PRKN: variants seen among roughly 807,000 people sequenced by gnomAD.
The protein encoded by PRKN is E3 ubiquitin-protein ligase parkin.
In PRKN, 56 loss-of-function variants were observed where a neutral mutation model predicts 59.5. That is an observed-to-expected ratio of 0.94 (90% CI 0.76 to 1.18). PRKN has a LOEUF of 1.18. PRKN is among the 50% of genes most tolerant of loss of function. The probability of loss-of-function intolerance (pLI) is 0.00; values close to 1 mark genes in which losing one functional copy is unlikely to be tolerated. For synonymous variants in PRKN, 250 were observed against 222.1 expected, an observed-to-expected ratio of 1.13 and a Z score of -1.12; for missense variants, 657 against 596.4, an observed-to-expected ratio of 1.10 and a Z score of -1.06.
At chr6:161,912,450 C>T (rs1778399692) in intron 6 of PRKN, among the ~76,000 whole-genome samples, 1 of 151,258 alleles carries the variant, frequency 6.6e-6, no homozygotes, top group Admixed American at 6.6e-5. Flanking sequence ...GGGCCTGTGA[C>T]TGGCCTTCAC....
chr6:161,436,041 A>G (rs1452383420), intron 9 of PRKN, among the ~76,000 whole-genome samples: 37 of 12,562 alleles, frequency 2.9e-3, no homozygotes, highest in South Asian at 6.2e-3. Context: ...GGATGGGAGG[A>G]CAGAGAGGAG....
At chr6:161,683,777 T>C (rs1000805119) in intron 7 of PRKN, among the ~76,000 whole-genome samples, 9 of 152,086 alleles carry the variant, frequency 5.9e-5, no homozygotes, top group African/African-American at 2.2e-4. Context: ...TGGGGTGTGG[T>C]GAGACGGGCA....
At chr6:162,464,659 CA>C (rs1164797005) in intron 1 of PRKN, among the ~76,000 whole-genome samples, 3,410 of 79,902 alleles carry the variant, frequency 0.043, 124 homozygotes, top group African/African-American at 0.13. Context: ...ACTAAAAATA[CA>C]AAAAAAAAAA....
intron 7 of PRKN, among the ~76,000 whole-genome samples, chr6:161,648,857 A>G (rs961021399): frequency 1.3e-5 from 2 of 152,200 alleles, no homozygotes; most frequent in Non-Finnish European, 2.9e-5. Flanking sequence ...TGAACTTGGA[A>G]AATCCTCCAG....
At chr6:162,019,351 C>T (rs1783045687) in intron 5 of PRKN, among the ~76,000 whole-genome samples, 1 of 152,144 alleles carries the variant, frequency 6.6e-6, no homozygotes, top group Admixed American at 6.5e-5. Context: ...CCATGTAAGA[C>T]ATGGGCTAAG....
intron 2 of PRKN, among the ~76,000 whole-genome samples, chr6:162,301,844 A>G (rs1319078236): frequency 1.4e-5 from 2 of 147,644 alleles, no homozygotes; most frequent in African/African-American, 2.5e-5. Context: ...TGCTTCGATT[A>G]TATCTCCAAT....
chr6:162,379,764 G>A (rs1786326850), intron 2 of PRKN, among the ~76,000 whole-genome samples: 1 of 152,186 alleles, frequency 6.6e-6, no homozygotes. Context: ...GGTATGAGCA[G>A]ACAATAGATT....
intron 1 of PRKN, among the ~76,000 whole-genome samples, chr6:162,647,949 C>CAA (rs398003250): frequency 0.071 from 5,399 of 75,648 alleles, 1,326 homozygotes; most frequent in East Asian, 0.22. Flanking sequence ...GTCCACAGTG[C>CAA]AAAAAAAAAA....
At chr6:162,563,248 G>T (rs1277640407) in intron 1 of PRKN, among the ~76,000 whole-genome samples, 1 of 151,822 alleles carries the variant, frequency 6.6e-6, no homozygotes, top group African/African-American at 2.4e-5. Flanking sequence ...AGCTTGCAGT[G>T]AGCTGAGATC....
intron 4 of PRKN, among the ~76,000 whole-genome samples, chr6:162,122,245 C>G (rs1388361545): frequency 2.0e-5 from 3 of 152,140 alleles, no homozygotes; most frequent in Non-Finnish European, 4.4e-5. Context: ...CAGCATACAA[C>G]CTCCTCTCGC....
intron 1 of PRKN, among the ~76,000 whole-genome samples, chr6:162,674,008 G>C (rs1293279230): frequency 2.0e-5 from 3 of 152,164 alleles, no homozygotes; most frequent in Non-Finnish European, 4.4e-5. Flanking sequence ...TCTTATGAGA[G>C]CATCACCATA....
chr6:162,459,796 C>T (rs923100427), intron 1 of PRKN, among the ~76,000 whole-genome samples: 22 of 152,290 alleles, frequency 1.4e-4, no homozygotes, highest in African/African-American at 2.6e-4. Flanking sequence ...AAAAATGATT[C>T]GGAACTTTCT....
chr6:161,687,942 T>C (rs1236535938), intron 7 of PRKN, among the ~76,000 whole-genome samples: 3 of 152,194 alleles, frequency 2.0e-5, no homozygotes, highest in Non-Finnish European at 4.4e-5. Flanking sequence ...ATACTTTCCT[T>C]AGGTTCCCTG....
chr6:162,675,040 ATTTATTT>A (rs1779483202), intron 1 of PRKN, among the ~76,000 whole-genome samples: 1 of 150,950 alleles, frequency 6.6e-6, no homozygotes, highest in Non-Finnish European at 1.5e-5. Flanking sequence ...TTATTTATTT[ATTTATTT>A]ATTTATTTAT....
At chr6:161,774,372 T>C (rs1428595115) in intron 7 of PRKN, among the ~76,000 whole-genome samples, 1 of 134,772 alleles carries the variant, frequency 7.4e-6, no homozygotes, top group African/African-American at 2.8e-5. Flanking sequence ...CCATCCTTTC[T>C]ACTCCCTGAG....
chr6:162,598,645 G>A (rs1211965696), intron 1 of PRKN, among the ~76,000 whole-genome samples: 2 of 152,086 alleles, frequency 1.3e-5, no homozygotes, highest in African/African-American at 4.8e-5. Flanking sequence ...CTGAGGCCAG[G>A]AGTTTGAGAC....
At chr6:161,926,860 A>G (rs1400952672) in intron 6 of PRKN, among the ~76,000 whole-genome samples, 1 of 152,196 alleles carries the variant, frequency 6.6e-6, no homozygotes, top group Non-Finnish European at 1.5e-5. Context: ...CAACAAGGGC[A>G]AGTAGTGGCA....
chr6:162,498,856 T>A (rs1249815289), intron 1 of PRKN, among the ~76,000 whole-genome samples: 4 of 152,208 alleles, frequency 2.6e-5, no homozygotes, highest in Admixed American at 6.5e-5. Context: ...ACTGCTGTTT[T>A]ATTATTTATC....
chr6:161,903,819 G>A (rs1484137177), intron 6 of PRKN, among the ~76,000 whole-genome samples: 1 of 149,814 alleles, frequency 6.7e-6, no homozygotes, highest in Non-Finnish European at 1.5e-5. Flanking sequence ...TTTTTTTAAT[G>A]GTCCCTTTTA....
Sources: allele counts gnomAD v4.1 joint callset (sites outside exome capture counted in the v4.1 genomes callset), GRCh38; gene constraint gnomAD v4.1.1; transcripts MANE v1.5; gene names NCBI Gene and HGNC (gene_info 2026-07-23, HGNC 2026-07-21).